Variants in ARHGEF19 observed in about 807,000 individuals in gnomAD.
The protein encoded by ARHGEF19 is Rho guanine nucleotide exchange factor 19, also known as Rho guanine nucleotide exchange factor (GEF) 19.
ARHGEF19 carries 92 observed loss-of-function variants against 87.6 expected under a neutral mutation model. The ratio of observed to expected loss-of-function variants is 1.05; its 90% CI spans 0.89 to 1.25. The LOEUF (loss-of-function observed/expected upper bound fraction) is 1.25. Among genes scored for constraint, ARHGEF19 ranks in the 50% most tolerant of loss-of-function variants. The pLI is 0.00. For missense variants in ARHGEF19, 1,054 were observed against 1,051.8 expected (o/e 1.00, Z -0.03); for synonymous variants, 438 against 446.2 (o/e 0.98, Z 0.23).
In ARHGEF19 at chr1:16,208,087, G is replaced by T. The variant is rs1281290226; in HGVS notation, c.551C>A (p.Thr184Asn). Residue 184 changes from threonine (T) to asparagine (N), a missense_variant, in exon 3 of 16, where the codon ACC becomes AAC. By Grantham distance (65) the Thr-to-Asn change is moderately conservative (BLOSUM62 0). Coordinates refer to ENST00000270747, the MANE Select transcript of ARHGEF19 (RefSeq NM_153213.5). ...CTCAGGACCTTCGAGGCTCACTCGG[G>T]TGGACCCAGACAACTCCACCCTGGG... is the stretch of plus-strand genomic sequence containing the variant. ...EEPRVELSGSTRVSLEGPERR... is the reference protein window; with the variant it reads ...EEPRVELSGSNRVSLEGPERR... 1.2e-6 allele frequency: 2 copies of T among 1,614,048 alleles called. No homozygotes were observed.
rs750672658 is a variant in ARHGEF19, at chr1:16,207,802, G to T, written c.695-25C>A. On this transcript the variant is annotated intron_variant, in intron 3 of 15. Transcript: ENST00000270747. The surrounding 1 kb of genome is among the most constrained non-coding windows in gnomAD (Gnocchi z 4.0). ...CCTGGAGAGGGCGAGAACTGAGGGT[G>T]GGGGGTCCAGAGAGTGGGCCTGGGG... The T allele has an allele frequency of 5.0e-6, 8 of 1,611,318 alleles. No individual in the cohort carries two copies. The highest frequency in any genetic ancestry group is 2.2e-5 in the South Asian group (2 of 90,964).
At chr1:16,203,624 G>A (rs2081101075) in intron 12 of ARHGEF19, among the ~76,000 whole-genome samples, 1 of 152,146 alleles carries the variant, frequency 6.6e-6, no homozygotes, top group South Asian at 2.1e-4. Flanking sequence ...TCCCTCTGCT[G>A]CCTTTCTCCT....
chr1:16,199,379 T>C, intron 14 of ARHGEF19, 125 bp from the exon 15 acceptor site: 1 of 744,930 alleles, frequency 1.3e-6, no homozygotes, highest in African/African-American at 1.7e-5. Context: ...GAGGCTTCTA[T>C]TCCTCTGCCA....
chr1:16,206,872 C>G lies in ARHGEF19; in HGVS notation c.1137+76G>C. 1 of 1,378,294 alleles carries G rather than the reference C, an allele frequency of 7.3e-7. No homozygotes were observed. The highest frequency in any genetic ancestry group is 1.6e-5 in the South Asian group (1 of 61,306). 85.4% of individuals were successfully genotyped at this position (1,378,294 alleles called of 1,614,324 possible). Reference sequence around the variant, plus strand: ...TTTGTGTGTCCCCCTCCCTCTATGGCCCGGTTCCCGCTAAGTCCCCGGACC... The same window carrying G: ...TTTGTGTGTCCCCCTCCCTCTATGGGCCGGTTCCCGCTAAGTCCCCGGACC... On this transcript the variant is annotated intron_variant, in intron 6 of 15. Coordinates refer to ENST00000270747, the MANE Select transcript of ARHGEF19 (RefSeq NM_153213.5). This position sits in a 1 kb window ranked among gnomAD's most constrained non-coding sequence, Gnocchi z 4.6.
In ARHGEF19 at chr1:16,198,406, A is replaced by G. The variant is rs2081057729; in HGVS notation, c.*181T>C. 3.4e-6 allele frequency: 2 copies of G among 594,882 alleles called. No individual in the cohort carries two copies. The highest frequency in any genetic ancestry group is 3.8e-5 in the South Asian group (1 of 26,450). 36.9% of individuals were successfully genotyped at this position (594,882 alleles called of 1,614,324 possible). ...CCTTGAAGTGTGGACACTGAGGAGCATGAGGACGGAGAGACCCTCTGGAGG... is the reference window on the plus strand; with the variant it reads ...CCTTGAAGTGTGGACACTGAGGAGCGTGAGGACGGAGAGACCCTCTGGAGG... On this transcript the variant is annotated 3_prime_UTR_variant, in exon 16 of 16. Transcript: ENST00000270747. The surrounding 1 kb of genome is among the most constrained non-coding windows in gnomAD (Gnocchi z 4.1).
At position 16,205,041 on chromosome 1, in the gene ARHGEF19, A is replaced by G. The variant is rs141134277; in HGVS notation, c.1746+46T>C. The G allele has an allele frequency of 6.6e-4, 1,033 of 1,567,774 alleles. 8 individuals are homozygous for G. The African/African-American group carries it at 0.011, about 17-fold the overall frequency. ...AAGCCCCCAGGGCAAGGAAGAAACAAGAGCTGCCCCTTGGGGTCCCCATCC... is the reference window on the plus strand; with the variant it reads ...AAGCCCCCAGGGCAAGGAAGAAACAGGAGCTGCCCCTTGGGGTCCCCATCC... On this transcript the variant is annotated intron_variant, in intron 11 of 15. Coordinates refer to ENST00000270747, the MANE Select transcript of ARHGEF19 (RefSeq NM_153213.5). This position sits in a 1 kb window ranked among gnomAD's most constrained non-coding sequence, Gnocchi z 5.8.
rs368790017 is a variant in ARHGEF19, at chr1:16,206,037, A to T, written c.1345T>A (p.Phe449Ile). 1 of 1,593,030 alleles carries T rather than the reference A, an allele frequency of 6.3e-7. No individual in the cohort carries two copies. The highest frequency in any genetic ancestry group is 8.5e-7 in the Non-Finnish European group (1 of 1,169,890). The change falls in exon 8 of 16, where the codon TTC (phenylalanine) becomes ATC (isoleucine). Residue 449 changes from phenylalanine (F) to isoleucine (I), a missense_variant. Phe to Ile is a conservative substitution (Grantham distance 21, BLOSUM62 0). Coordinates refer to ENST00000270747, the MANE Select transcript of ARHGEF19 (RefSeq NM_153213.5). This position sits in a 1 kb window ranked among gnomAD's most constrained non-coding sequence, Gnocchi z 4.6. Reference protein sequence around the residue: ...EQRLEADVLRFSVCDVVLDHC... With the variant: ...EQRLEADVLRISVCDVVLDHC... ...TCCAGCACCACGTCGCACACGCTGA[A>T]GCGCAGCACATCTGCCTCCAGCCGC...
chr1:16,202,430 C>T lies in ARHGEF19; in HGVS notation c.2052G>A (p.Leu684=). The change falls in exon 13 of 16, where the codon CTG becomes CTA. Residue 684 remains leucine (L), a synonymous_variant. Coordinates refer to ENST00000270747, the MANE Select transcript of ARHGEF19 (RefSeq NM_153213.5). The part of the protein sequence containing the change: ...HGQHMKHQFL[L]RARTESEKQR... ...GGCCCACTCACTCCGTCCGGGCCCG[C>T]AGCAGGAACTGGTGCTTCATGTGCT... The T allele has an allele frequency of 2.5e-6, 4 of 1,613,530 alleles. No individual in the cohort carries two copies. Among genetic ancestry groups the T allele is most frequent in the African/African-American group, 1.3e-5 (1 of 75,066 alleles).
Position 16,206,026 on chromosome 1 carries a change from G to C in ARHGEF19, c.1356C>G (p.Cys452Trp). The change falls in exon 8 of 16, where the codon TGC becomes TGG. Residue 452 changes from cysteine to tryptophan, a missense_variant. Transcript: ENST00000270747. This position sits in a 1 kb window ranked among gnomAD's most constrained non-coding sequence, Gnocchi z 4.6. ...CCGGGCAGTGGTCCAGCACCACGTCGCACACGCTGAAGCGCAGCACATCTG... is the reference window on the plus strand; with the variant it reads ...CCGGGCAGTGGTCCAGCACCACGTCCCACACGCTGAAGCGCAGCACATCTG... ...LEADVLRFSVCDVVLDHCPAF... is the reference protein window; with the variant it reads ...LEADVLRFSVWDVVLDHCPAF... The C allele has an allele frequency of 6.3e-7, 1 of 1,598,220 alleles. No individual in the cohort carries two copies. Among genetic ancestry groups the C allele is most frequent in the South Asian group, 1.1e-5 (1 of 88,818 alleles).
intron 14 of ARHGEF19, 32 bp from the exon 15 acceptor site, chr1:16,199,286 AAGGGC>A: frequency 6.2e-7 from 1 of 1,605,026 alleles, no homozygotes; most frequent in African/African-American, 1.3e-5. Flanking sequence ...AGGGAGTCCC[AAGGGC>A]AGGATGGCAG....
Position 16,208,838 on chromosome 1 carries a change from G to A in ARHGEF19, c.217C>T (p.Leu73Phe). The change falls in exon 2 of 16, where the codon CTC (leucine) becomes TTC (phenylalanine). Residue 73 changes from leucine to phenylalanine, a missense_variant. Transcript: ENST00000270747. Reference sequence around the variant, plus strand: ...GATAATGGCCATAGCAACCCTTGGAGAGGGGCAGGGGTCCCCAGGGACCAG... The same window carrying A: ...GATAATGGCCATAGCAACCCTTGGAAAGGGGCAGGGGTCCCCAGGGACCAG... ...SRWSLGTPAPLQGLLWPLSPG... is the reference protein window; with the variant it reads ...SRWSLGTPAPFQGLLWPLSPG... The A allele has an allele frequency of 6.2e-7, 1 of 1,611,920 alleles. No individual in the cohort carries two copies. Among genetic ancestry groups the A allele is most frequent in the Non-Finnish European group, 8.5e-7 (1 of 1,179,290 alleles).
chr1:16,207,855 G>A lies in ARHGEF19; in HGVS notation c.695-78C>T. 32 of 1,582,946 alleles carry A rather than the reference G, an allele frequency of 2.0e-5. No homozygotes were observed. The highest frequency in any genetic ancestry group is 2.7e-5 in the Non-Finnish European group (32 of 1,166,170). On this transcript the variant is annotated intron_variant, in intron 3 of 15. Transcript: ENST00000270747. This position sits in a 1 kb window ranked among gnomAD's most constrained non-coding sequence, Gnocchi z 4.0. Reference sequence around the variant, plus strand: ...TGGGCCCCGGCCCAGGCACCCTGACGGCCTCAGGCGGCCGGTGAGTGGGCA... The same window carrying A: ...TGGGCCCCGGCCCAGGCACCCTGACAGCCTCAGGCGGCCGGTGAGTGGGCA...
intron 11 of ARHGEF19, 76 bp from the exon 12 acceptor site, chr1:16,204,995 G>C: frequency 6.4e-7 from 1 of 1,563,434 alleles, no homozygotes. Flanking sequence ...GGGAGGGTGT[G>C]GGCAGCGATT....
Position 16,207,348 on chromosome 1 carries a change from ATTC to A in ARHGEF19, c.875-141_875-139del. ...CTGGACACAGTGAATTCATTCATTC[ATTC>A]ATTCATTCCATAAACAAATTGAGCA... is the stretch of plus-strand genomic sequence containing the variant. On this transcript the variant is annotated intron_variant, in intron 5 of 15. Transcript: ENST00000270747. This position sits in a 1 kb window ranked among gnomAD's most constrained non-coding sequence, Gnocchi z 4.0. The A allele has an allele frequency of 8.2e-6, 11 of 1,336,550 alleles. No individual in the cohort carries two copies. The highest frequency in any genetic ancestry group is 1.1e-5 in the Non-Finnish European group (11 of 999,948). The allele number at this position is 1,336,550 out of a possible 1,614,324, so 82.8% of individuals were successfully genotyped here.
In ARHGEF19 at chr1:16,207,623, C is replaced by T. The variant is rs1192137982; in HGVS notation, c.798-25G>A. 1 of 1,614,016 alleles carries T rather than the reference C, an allele frequency of 6.2e-7. No homozygotes were observed. The highest frequency in any genetic ancestry group is 8.5e-7 in the Non-Finnish European group (1 of 1,179,996). ...CCTAGGAAAGAGAGAGCGTCACGGC[C>T]CTAGTTCGCCTGCACCCTGTCTCGG... On this transcript the variant is annotated intron_variant, in intron 4 of 15. Transcript: ENST00000270747. This position sits in a 1 kb window ranked among gnomAD's most constrained non-coding sequence, Gnocchi z 4.0.
Position 16,207,291 on chromosome 1 carries a change from G to A in ARHGEF19, c.875-81C>T. ...TTTTCCTCGGTTCCCTCAAGAGCCC[G>A]CGTCACTTAACCTTTGCCGCGGTTC... On this transcript the variant is annotated intron_variant, in intron 5 of 15. Coordinates refer to ENST00000270747, the MANE Select transcript of ARHGEF19 (RefSeq NM_153213.5). This position sits in a 1 kb window ranked among gnomAD's most constrained non-coding sequence, Gnocchi z 4.0. 1 of 1,444,570 alleles carries A rather than the reference G, an allele frequency of 6.9e-7. No individual in the cohort carries two copies. Among genetic ancestry groups the A allele is most frequent in the Non-Finnish European group, 9.1e-7 (1 of 1,102,328 alleles). 89.5% of individuals were successfully genotyped at this position (1,444,570 alleles called of 1,614,324 possible).
chr1:16,205,927 C>T lies in ARHGEF19; in HGVS notation c.1451+4G>A. On this transcript the variant is annotated splice_donor_region_variant and intron_variant, in intron 8 of 15. Transcript: ENST00000270747. This position sits in a 1 kb window ranked among gnomAD's most constrained non-coding sequence, Gnocchi z 5.8. ...CCCGCCCCTTTCAGAGCCCCCAGCC[C>T]TACAGCAGGCGCTGGTAGGTGCGCT... 6.2e-7 allele frequency: 1 copy of T among 1,604,386 alleles called. No individual in the cohort carries two copies. Among genetic ancestry groups the T allele is most frequent in the Non-Finnish European group, 8.5e-7 (1 of 1,175,620 alleles).
intron 13 of ARHGEF19, 91 bp downstream of exon 13, chr1:16,202,324 GC>G (rs2081090118): frequency 2.5e-5 from 37 of 1,455,396 alleles, no homozygotes; most frequent in Non-Finnish European, 3.4e-5. Context: ...TCCCAGGGGT[GC>G]CCGCCATGGG....
Position 16,201,800 on chromosome 1 carries a change from C to T in ARHGEF19, c.2128G>A (p.Val710Ile), listed in dbSNP as rs1208034213. ...CTACTACCTTCCCCCTCACTGATGACCTCCTTGTCCTCCTGGGGGCTGGAG... is the reference window on the plus strand; with the variant it reads ...CTACTACCTTCCCCCTCACTGATGATCTCCTTGTCCTCCTGGGGGCTGGAG... ...CPSSPQEDKE[V>I]ISEGEDCPQV... The change falls in exon 14 of 16, where the codon GTC becomes ATC. Residue 710 changes from valine to isoleucine, a missense_variant. Physicochemically the swap from Val to Ile is conservative, Grantham distance 29. Coordinates refer to ENST00000270747, the MANE Select transcript of ARHGEF19 (RefSeq NM_153213.5). 6.2e-7 allele frequency: 1 copy of T among 1,613,804 alleles called. No individual in the cohort carries two copies. The highest frequency in any genetic ancestry group is 8.5e-7 in the Non-Finnish European group (1 of 1,179,810).
Sources: allele counts gnomAD v4.1 joint callset (sites outside exome capture counted in the v4.1 genomes callset), GRCh38; gene constraint gnomAD v4.1.1; non-coding constraint Gnocchi (gnomAD v3.1); transcripts MANE v1.5; gene names NCBI Gene and HGNC (gene_info 2026-07-23, HGNC 2026-07-21).